ROBO1: variants seen among roughly 807,000 people sequenced by gnomAD.
ROBO1 encodes the protein roundabout guidance receptor 1.
In ROBO1, 149 loss-of-function variants were observed where a neutral mutation model predicts 195.9. That is an observed-to-expected ratio of 0.76 (90% CI 0.67 to 0.87). ROBO1 has a LOEUF of 0.87. ROBO1 is among the 40% of genes least tolerant of loss of function. ROBO1 has a pLI of 0.00. For synonymous variants in ROBO1, 816 were observed against 733.2 expected, an observed-to-expected ratio of 1.11 and a Z score of -1.82; for missense variants, 1,933 against 2,068.3, an observed-to-expected ratio of 0.93 and a Z score of 1.27.
intron 1 of ROBO1, among the ~76,000 whole-genome samples, chr3:79,670,711 G>A (rs114216197): frequency 4.7e-4 from 72 of 151,884 alleles, no homozygotes; most frequent in African/African-American, 1.7e-3. Flanking sequence ...GCACTAAGAG[G>A]ACTCAGCATT....
At chr3:78,769,857 A>G (rs1191210043) in intron 4 of ROBO1, among the ~76,000 whole-genome samples, 7 of 152,066 alleles carry the variant, frequency 4.6e-5, no homozygotes, top group Non-Finnish European at 8.8e-5. Context: ...CTGGATACAA[A>G]ATTCTTGGCT....
intron 2 of ROBO1, among the ~76,000 whole-genome samples, chr3:79,404,104 A>C (rs1448242430): frequency 6.6e-6 from 1 of 152,036 alleles, no homozygotes; most frequent in African/African-American, 2.4e-5. Context: ...TACCTGAAAA[A>C]TTGCTTTTCT....
chr3:79,055,637 T>C (rs1336633971), intron 3 of ROBO1, among the ~76,000 whole-genome samples: 1 of 152,062 alleles, frequency 6.6e-6, no homozygotes, highest in Non-Finnish European at 1.5e-5. Flanking sequence ...GAAATTAATA[T>C]TCCACATAAC....
chr3:79,275,896 A>T (rs114334167), intron 2 of ROBO1, among the ~76,000 whole-genome samples: 4,246 of 151,928 alleles, frequency 0.028, 174 homozygotes, highest in African/African-American at 0.096. Context: ...ACAAAAAAAA[A>T]TACCTAGGAA....
At chr3:78,983,827 A>G (rs2077049034) in intron 3 of ROBO1, among the ~76,000 whole-genome samples, 1 of 152,136 alleles carries the variant, frequency 6.6e-6, no homozygotes, top group Non-Finnish European at 1.5e-5. Context: ...GGGCGACTGG[A>G]GTGGCAGGGG....
chr3:78,758,008 G>A (rs1046309512), intron 4 of ROBO1, among the ~76,000 whole-genome samples: 7 of 152,126 alleles, frequency 4.6e-5, no homozygotes, highest in East Asian at 1.9e-4. Flanking sequence ...GTGTAGCTGC[G>A]TGAGCTGTGT....
chr3:78,638,250 C>T (rs1013276280), intron 22 of ROBO1, among the ~76,000 whole-genome samples: 1 of 134,674 alleles, frequency 7.4e-6, no homozygotes, highest in East Asian at 2.1e-4. Flanking sequence ...TGTATACACA[C>T]ATACATATAT....
At chr3:78,728,754 G>A (rs958702241) in intron 5 of ROBO1, among the ~76,000 whole-genome samples, 2 of 152,178 alleles carry the variant, frequency 1.3e-5, no homozygotes, top group African/African-American at 4.8e-5. Context: ...ATGAAGAAAA[G>A]CCATAACTTG....
At chr3:78,652,074 A>C (rs2107621655) in intron 18 of ROBO1, 145 bp from the exon 19 acceptor site, 1 of 638,530 alleles carries the variant, frequency 1.6e-6, no homozygotes, top group Non-Finnish European at 2.7e-6. Flanking sequence ...CAAATAAAAT[A>C]GTTCATACTG....
chr3:79,761,759 T>C (rs1338537621), intron 1 of ROBO1, among the ~76,000 whole-genome samples: 5 of 152,178 alleles, frequency 3.3e-5, no homozygotes, highest in Admixed American at 2.6e-4. Context: ...CACGGTAATC[T>C]GGGAAGACAC....
At chr3:79,458,692 C>G (rs2039698591) in intron 2 of ROBO1, among the ~76,000 whole-genome samples, 1 of 151,848 alleles carries the variant, frequency 6.6e-6, no homozygotes, top group Admixed American at 6.6e-5. Context: ...AAACGAAACA[C>G]TATGATTTTC....
intron 2 of ROBO1, among the ~76,000 whole-genome samples, chr3:79,187,556 C>T (rs904756362): frequency 1.4e-4 from 22 of 151,930 alleles, no homozygotes; most frequent in African/African-American, 4.6e-4. Context: ...TTCAGTCACT[C>T]GAGGGGGAGT....
rs1021198477 is a variant in ROBO1, at chr3:79,402,876, A to C, written c.88+186948T>G. On this transcript the variant is annotated intron_variant, in intron 2 of 30. Transcript: ENST00000464233. ...TGATGATTATTTTTATGAAGCCTTT[A>C]TTTATAGTATAAGAAATTTCTTTAG... 2.0e-5 allele frequency among the ~76,000 whole-genome samples: 3 copies of C among 151,886 alleles called. No individual in the cohort carries two copies. In the East Asian group the frequency reaches 5.8e-4, roughly 29 times the overall value.
At chr3:79,082,414 A>AT (rs1189620287) in intron 3 of ROBO1, among the ~76,000 whole-genome samples, 2 of 152,202 alleles carry the variant, frequency 1.3e-5, no homozygotes, top group Non-Finnish European at 2.9e-5. Flanking sequence ...GTAAAGATGC[A>AT]TTTTTACAAG....
chr3:79,490,769 C>T (rs559975828), intron 2 of ROBO1, among the ~76,000 whole-genome samples: 2 of 152,286 alleles, frequency 1.3e-5, no homozygotes, highest in Admixed American at 1.3e-4. Flanking sequence ...TGGCCTTGTG[C>T]TTATGCATAT....
At chr3:78,937,996 T>TGA (rs2039906363) in intron 4 of ROBO1, 1 of 126,240 alleles carries the variant, frequency 7.9e-6, no homozygotes, top group Non-Finnish European at 1.7e-5. Flanking sequence ...AGTGAGTGTG[T>TGA]GTGTGTGTGT....
chr3:79,443,750 T>A (rs2039138817), intron 2 of ROBO1, among the ~76,000 whole-genome samples: 1 of 152,106 alleles, frequency 6.6e-6, no homozygotes, highest in African/African-American at 2.4e-5. Context: ...CTATCAAATA[T>A]AAAAATGTAT....
At chr3:78,680,151 C>A (rs1003408239) in intron 10 of ROBO1, among the ~76,000 whole-genome samples, 2 of 152,156 alleles carry the variant, frequency 1.3e-5, no homozygotes, top group Non-Finnish European at 2.9e-5. Context: ...GAAGCTGGAT[C>A]CCTTCCTTAC....
At chr3:79,401,796 TA>T in intron 2 of ROBO1, among the ~76,000 whole-genome samples, 1 of 151,878 alleles carries the variant, frequency 6.6e-6, no homozygotes, top group Non-Finnish European at 1.5e-5. Flanking sequence ...ACACTTAAAA[TA>T]AAAATATATT....
Sources: allele counts gnomAD v4.1 joint callset (sites outside exome capture counted in the v4.1 genomes callset), GRCh38; gene constraint gnomAD v4.1.1; transcripts MANE v1.5; gene names NCBI Gene and HGNC (gene_info 2026-07-23, HGNC 2026-07-21).